PGCKA1: variants seen among roughly 807,000 people sequenced by gnomAD.
PGCKA1 encodes PDCD10 and GCKIII kinases-associated protein 1.
the PGCKA1 span, among the ~76,000 whole-genome samples, chr4:37,499,785 A>C: frequency 6.6e-6 from 1 of 151,704 alleles, no homozygotes; most frequent in Non-Finnish European, 1.5e-5. Context: ...ATGGTTTTTC[A>C]TCTCTCAATC....
the PGCKA1 span, among the ~76,000 whole-genome samples, chr4:37,593,234 C>T: frequency 9.8e-4 from 149 of 152,168 alleles, 2 homozygotes; most frequent in East Asian, 0.026. Context: ...TTGTATGGGA[C>T]GAGTGTTTTA....
the PGCKA1 span, among the ~76,000 whole-genome samples, chr4:37,488,484 C>A: frequency 2.0e-4 from 30 of 152,184 alleles, no homozygotes; most frequent in Non-Finnish European, 3.8e-4. Context: ...TATTGGAACA[C>A]TGCTAACAAA....
chr4:37,582,006 G>A, the PGCKA1 span, among the ~76,000 whole-genome samples: 55 of 152,270 alleles, frequency 3.6e-4, no homozygotes, highest in Non-Finnish European at 1.8e-4. Context: ...TGGCTTAGCT[G>A]ATTTCAGCCT....
At chr4:37,570,628 T>A in the PGCKA1 span, among the ~76,000 whole-genome samples, 1 of 152,180 alleles carries the variant, frequency 6.6e-6, no homozygotes, top group Non-Finnish European at 1.5e-5. Flanking sequence ...TCACTAAATA[T>A]TTGTCTACTT....
the PGCKA1 span, among the ~76,000 whole-genome samples, chr4:37,501,392 G>A: frequency 1.8e-4 from 27 of 152,278 alleles, no homozygotes; most frequent in East Asian, 5.0e-3. Flanking sequence ...CTACACATGC[G>A]AGGGATCTAG....
At chr4:37,552,883 G>T in the PGCKA1 span, among the ~76,000 whole-genome samples, 2 of 152,152 alleles carry the variant, frequency 1.3e-5, no homozygotes, top group African/African-American at 4.8e-5. Context: ...TCAGTAACCT[G>T]GCCATATAGG....
the PGCKA1 span, among the ~76,000 whole-genome samples, chr4:37,478,936 A>T: frequency 6.6e-6 from 1 of 152,224 alleles, no homozygotes; most frequent in Non-Finnish European, 1.5e-5. Context: ...ATATATCCTG[A>T]TTAATTATTT....
chr4:37,528,215 A>G, the PGCKA1 span, among the ~76,000 whole-genome samples: 1 of 152,188 alleles, frequency 6.6e-6, no homozygotes, highest in Non-Finnish European at 1.5e-5. Context: ...AAAGTATTGT[A>G]ATATTTGACC....
chr4:37,587,308 AT>A, the PGCKA1 span, among the ~76,000 whole-genome samples: 2 of 152,156 alleles, frequency 1.3e-5, no homozygotes, highest in African/African-American at 2.4e-5. Context: ...AATACCTTTA[AT>A]TTGGGGGCTG....
At chr4:37,456,776 T>G in the PGCKA1 span, among the ~76,000 whole-genome samples, 3 of 152,136 alleles carry the variant, frequency 2.0e-5, no homozygotes, top group Admixed American at 2.0e-4. Context: ...GATCTCTATT[T>G]TAGAGAGTTC....
the PGCKA1 span, among the ~76,000 whole-genome samples, chr4:37,563,627 C>T: frequency 6.6e-6 from 1 of 152,110 alleles, no homozygotes; most frequent in South Asian, 2.1e-4. Flanking sequence ...CAGTCCACAG[C>T]GGGTACTGTA....
the PGCKA1 span, among the ~76,000 whole-genome samples, chr4:37,554,187 G>A: frequency 1.3e-5 from 2 of 152,118 alleles, no homozygotes; most frequent in South Asian, 4.1e-4. Flanking sequence ...ATGTGCCTTT[G>A]CATCTGCTTC....
At chr4:37,519,947 A>G in the PGCKA1 span, among the ~76,000 whole-genome samples, 1 of 152,074 alleles carries the variant, frequency 6.6e-6, no homozygotes, top group Non-Finnish European at 1.5e-5. Context: ...TACCCCCAGT[A>G]TTTTTAGGGA....
the PGCKA1 span, among the ~76,000 whole-genome samples, chr4:37,485,234 C>T: frequency 2.6e-5 from 4 of 152,116 alleles, no homozygotes; most frequent in Non-Finnish European, 5.9e-5. Context: ...AAGGAAGGTG[C>T]TATGGTTTGC....
chr4:37,458,068 C>G, the PGCKA1 span, among the ~76,000 whole-genome samples: 6 of 152,234 alleles, frequency 3.9e-5, no homozygotes, highest in East Asian at 1.2e-3. Context: ...GACCCTTGAT[C>G]CTTTTTAGAG....
the PGCKA1 span, among the ~76,000 whole-genome samples, chr4:37,469,142 A>C: frequency 6.6e-6 from 1 of 152,204 alleles, no homozygotes; most frequent in Non-Finnish European, 1.5e-5. Flanking sequence ...AACAGGTTGT[A>C]CCATCTAGCC....
chr4:37,579,246 G>A, the PGCKA1 span, among the ~76,000 whole-genome samples: 1 of 151,984 alleles, frequency 6.6e-6, no homozygotes, highest in Non-Finnish European at 1.5e-5. Flanking sequence ...AAAAATTTTT[G>A]TTATTATTTA....
the PGCKA1 span, among the ~76,000 whole-genome samples, chr4:37,543,544 T>C: frequency 6.6e-6 from 1 of 152,022 alleles, no homozygotes. Flanking sequence ...TTTCATCTCT[T>C]GAAAGAAGGC....
chr4:37,531,616 G>A, the PGCKA1 span, among the ~76,000 whole-genome samples: 3 of 151,654 alleles, frequency 2.0e-5, no homozygotes, highest in Non-Finnish European at 4.4e-5. Flanking sequence ...AAGTAGGTCG[G>A]GCATGGTGGC....
Sources: allele counts gnomAD v4.1 joint callset (sites outside exome capture counted in the v4.1 genomes callset), GRCh38; gene constraint gnomAD v4.1.1; transcripts MANE v1.5; gene names NCBI Gene and HGNC (gene_info 2026-07-23, HGNC 2026-07-21).